The following RPS6KC1 variants were observed in gnomAD, a reference collection of about 807,000 sequenced individuals.
RPS6KC1 encodes inactive ribosomal protein S6 kinase delta-1.
In RPS6KC1, 54 loss-of-function variants were observed where a neutral mutation model predicts 103.8. That is an observed-to-expected ratio of 0.52 (90% CI 0.42 to 0.65). The LOEUF (loss-of-function observed/expected upper bound fraction) is 0.65, where lower values mean the gene tolerates loss of function less well. Among genes scored for constraint, RPS6KC1 ranks in the 30% least tolerant of loss-of-function variants. RPS6KC1 has a pLI of 0.00. For missense variants in RPS6KC1, 1,151 were observed against 1,253.8 expected, an observed-to-expected ratio of 0.92 and a Z score of 1.24; for synonymous variants, 439 against 438.7, an observed-to-expected ratio of 1.00 and a Z score of -0.01.
chr1:213,728,590 C>CT, the RPS6KC1 span, among the ~76,000 whole-genome samples: 2 of 152,104 alleles, frequency 1.3e-5, no homozygotes, highest in Admixed American at 1.3e-4. Flanking sequence ...GCCCGGTACT[C>CT]TAAGAGGAAA....
At chr1:213,542,703 G>T in the RPS6KC1 span, among the ~76,000 whole-genome samples, 3 of 152,216 alleles carry the variant, frequency 2.0e-5, no homozygotes, top group Admixed American at 6.5e-5. Context: ...AACAGGGCAA[G>T]CATTCAGGAC....
chr1:213,258,923 C>T (rs1274272734), intron 12 of RPS6KC1, among the ~76,000 whole-genome samples: 2 of 152,090 alleles, frequency 1.3e-5, no homozygotes, highest in Non-Finnish European at 2.9e-5. Context: ...AAAGAGAGCA[C>T]CCAGGGATAT....
Position 213,173,632 on chromosome 1 carries a change from T to G in RPS6KC1, c.952-2768T>G, listed in dbSNP as rs189545877. Among the ~76,000 whole-genome samples, 111 of 152,344 alleles carry G rather than the reference T, an allele frequency of 7.3e-4. No homozygotes were observed. In the East Asian group the frequency reaches 0.011, roughly 15 times the overall value. ...TTCCACATAACATTTAAAATCACCT[T>G]TAGTCCCACATCTTTCTGAGACCAC... On this transcript the variant is annotated intron_variant, in intron 7 of 14. Transcript: ENST00000366960.
the RPS6KC1 span, among the ~76,000 whole-genome samples, chr1:213,761,889 G>A: frequency 6.6e-6 from 1 of 151,788 alleles, no homozygotes; most frequent in Non-Finnish European, 1.5e-5. Flanking sequence ...GTCTGAAGTT[G>A]GGGGTGTTGG....
the RPS6KC1 span, among the ~76,000 whole-genome samples, chr1:213,842,700 A>T: frequency 6.6e-6 from 1 of 152,210 alleles, no homozygotes; most frequent in South Asian, 2.1e-4. Flanking sequence ...CAGATTGAGC[A>T]ATAAAAATAA....
the RPS6KC1 span, among the ~76,000 whole-genome samples, chr1:213,664,805 A>C: frequency 3.3e-5 from 5 of 152,214 alleles, no homozygotes; most frequent in Admixed American, 2.6e-4. Flanking sequence ...TATTTGAAGG[A>C]GTGATTTTGA....
chr1:213,554,466 C>T, the RPS6KC1 span, among the ~76,000 whole-genome samples: 2 of 152,156 alleles, frequency 1.3e-5, no homozygotes, highest in Non-Finnish European at 2.9e-5. Context: ...GTGCCTCTAG[C>T]TTTGTTCTTT....
the RPS6KC1 span, among the ~76,000 whole-genome samples, chr1:213,693,558 A>T: frequency 6.6e-6 from 1 of 152,200 alleles, no homozygotes; most frequent in African/African-American, 2.4e-5. Flanking sequence ...GGATCGGGAA[A>T]GGGAAACAAC....
the RPS6KC1 span, among the ~76,000 whole-genome samples, chr1:213,691,307 G>C: frequency 6.6e-6 from 1 of 152,214 alleles, no homozygotes; most frequent in Non-Finnish European, 1.5e-5. Context: ...TACTTGAGCG[G>C]ATATGCTGTC....
At chr1:213,363,625 G>GCTTGCTTTCTTT in the RPS6KC1 span, among the ~76,000 whole-genome samples, 6 of 73,778 alleles carry the variant, frequency 8.1e-5, no homozygotes, top group Non-Finnish European at 1.3e-4. Context: ...TTGCTTGCTT[G>GCTTGCTTTCTTT]CTTTCTTTCT....
intron 8 of RPS6KC1, among the ~76,000 whole-genome samples, chr1:213,181,797 G>C (rs1400647450): frequency 6.6e-6 from 1 of 152,164 alleles, no homozygotes; most frequent in Non-Finnish European, 1.5e-5. Context: ...AATGCAAAGA[G>C]AATTTGTTGC....
At chr1:213,348,461 T>A in the RPS6KC1 span, among the ~76,000 whole-genome samples, 1 of 152,190 alleles carries the variant, frequency 6.6e-6, no homozygotes, top group African/African-American at 2.4e-5. Flanking sequence ...CTGTTCTTGC[T>A]CTTAAAAGAA....
chr1:213,662,261 G>A, the RPS6KC1 span, among the ~76,000 whole-genome samples: 1,994 of 151,728 alleles, frequency 0.013, 72 homozygotes, highest in East Asian at 0.14. Flanking sequence ...AAATACCAGA[G>A]TAAACTTTTC....
At chr1:213,337,406 C>T in the RPS6KC1 span, among the ~76,000 whole-genome samples, 1 of 152,346 alleles carries the variant, frequency 6.6e-6, no homozygotes, top group East Asian at 1.9e-4. Context: ...GAAGGAGATG[C>T]TCTACCACTG....
At chr1:213,418,119 T>G in the RPS6KC1 span, among the ~76,000 whole-genome samples, 15 of 152,324 alleles carry the variant, frequency 9.8e-5, no homozygotes, top group Admixed American at 4.6e-4. Flanking sequence ...GAAACGTGAT[T>G]GTGACCTTGA....
At chr1:213,238,315 G>T (rs1573520104) in intron 10 of RPS6KC1, among the ~76,000 whole-genome samples, 2 of 152,140 alleles carry the variant, frequency 1.3e-5, no homozygotes, top group East Asian at 1.9e-4. Context: ...GAAACTATTA[G>T]AAAAAAACAT....
At chr1:213,651,537 A>G in the RPS6KC1 span, among the ~76,000 whole-genome samples, 2 of 152,206 alleles carry the variant, frequency 1.3e-5, no homozygotes, top group Non-Finnish European at 2.9e-5. Flanking sequence ...CTGATGGCTC[A>G]ATATTTTGAA....
At chr1:213,623,841 G>A in the RPS6KC1 span, among the ~76,000 whole-genome samples, 2 of 152,200 alleles carry the variant, frequency 1.3e-5, no homozygotes, top group Non-Finnish European at 2.9e-5. Flanking sequence ...GGTCTGTGGA[G>A]GGCAGCAAGG....
At chr1:213,401,556 A>G in the RPS6KC1 span, among the ~76,000 whole-genome samples, 1 of 152,114 alleles carries the variant, frequency 6.6e-6, no homozygotes, top group Non-Finnish European at 1.5e-5. Flanking sequence ...ATGTGGGAGG[A>G]GATGTCATGT....
Sources: allele counts gnomAD v4.1 joint callset (sites outside exome capture counted in the v4.1 genomes callset), GRCh38; gene constraint gnomAD v4.1.1; transcripts MANE v1.5; gene names NCBI Gene and HGNC (gene_info 2026-07-23, HGNC 2026-07-21).